Variants in ZSCAN20 observed in about 807,000 individuals in gnomAD.
ZSCAN20 encodes zinc finger and SCAN domain containing 20, also known as zinc finger and SCAN domain-containing protein 20.
ZSCAN20 carries 39 observed loss-of-function variants against 97.1 expected under a neutral mutation model. That is an observed-to-expected ratio of 0.40 (90% CI 0.31 to 0.52). The LOEUF is 0.52. Ranked by LOEUF, ZSCAN20 falls within the 20% of genes least tolerant of loss-of-function variation. The pLI is 0.49. For missense variants in ZSCAN20, 1,115 were observed against 1,290.4 expected (o/e 0.86, Z 2.08); for synonymous variants, 456 against 467.3 (o/e 0.98, Z 0.31).
At chr1:33,489,875 C>T (rs1318899118) in intron 5 of ZSCAN20, among the ~76,000 whole-genome samples, 1 of 152,124 alleles carries the variant, frequency 6.6e-6, no homozygotes, top group Non-Finnish European at 1.5e-5. Context: ...GGGGCCAGGC[C>T]TGGACTGCCA....
Position 33,498,460 on chromosome 1 carries a change from A to C in ZSCAN20, c.*2984A>C, listed in dbSNP as rs1652949938. Among the ~76,000 whole-genome samples the C allele has an allele frequency of 6.6e-6, 1 of 151,914 alleles. No homozygotes were observed. Among genetic ancestry groups the C allele is most frequent in the Non-Finnish European group, 1.5e-5 (1 of 67,976 alleles). ...CTACCTGACTTCCTTTGGAAGAAGC[A>C]CTCTTTCAGGGGGCTTCAGTGTTCC... On this transcript the variant is annotated 3_prime_UTR_variant, in exon 8 of 8. Coordinates refer to ENST00000684572, the MANE Select transcript of ZSCAN20 (RefSeq NM_001377376.1).
At chr1:33,484,660 C>T (rs576876851) in intron 2 of ZSCAN20, among the ~76,000 whole-genome samples, 132 of 142,620 alleles carry the variant, frequency 9.3e-4, no homozygotes, top group African/African-American at 2.9e-3. Context: ...TTGGTTCTGT[C>T]GCCCAGGCTG....
At position 33,493,276 on chromosome 1, in the gene ZSCAN20, C is replaced by G; in HGVS notation, c.1534C>G (p.Gln512Glu). ...PFSEKLRTCH[Q>E]NSQVYRAIAE... The stretch of plus-strand genomic sequence containing the variant: ...CTCGGAAAAGCTTCGTACCTGTCAC[C>G]AGAACAGCCAGGTGTACCGGGCCAT... Residue 512 changes from glutamine (Q) to glutamate (E), a missense_variant, in exon 7 of 8, where the codon CAG becomes GAG. Around this residue, in one of 3 missense-constraint regions of ZSCAN20, gnomAD observed 53 missense variants for 94.3 expected, o/e 0.56. Coordinates refer to ENST00000684572, the MANE Select transcript of ZSCAN20 (RefSeq NM_001377376.1). This position sits in a 1 kb window ranked among gnomAD's most constrained non-coding sequence, Gnocchi z 4.3. 6.2e-7 allele frequency: 1 copy of G among 1,614,200 alleles called. No homozygotes were observed. Among genetic ancestry groups the G allele is most frequent in the Non-Finnish European group, 8.5e-7 (1 of 1,180,024 alleles).
At chr1:33,475,825 ATTTT>A (rs10542814) in intron 1 of ZSCAN20, among the ~76,000 whole-genome samples, 6 of 141,622 alleles carry the variant, frequency 4.2e-5, no homozygotes, top group Non-Finnish European at 7.7e-5. Context: ...ACGCTTGGCT[ATTTT>A]TTTTTTTTTT....
At position 33,494,793 on chromosome 1, in the gene ZSCAN20, T is replaced by G; in HGVS notation, c.2449T>G (p.Leu817Val). The G allele has an allele frequency of 1.2e-6, 2 of 1,613,996 alleles. No homozygotes were observed. Among genetic ancestry groups the G allele is most frequent in the Non-Finnish European group, 1.7e-6 (2 of 1,179,988 alleles). ...CCTTCTGAAACATCAGAGAATCCAC[T>G]TGGGAGGAAATCCTGACCAGTGTAG... is the stretch of plus-strand genomic sequence containing the variant. ...SNLLKHQRIH[L>V]GGNPDQCSEP... Residue 817 changes from leucine to valine, a missense_variant, in exon 8 of 8, where the codon TTG becomes GTG. Coordinates refer to ENST00000684572, the MANE Select transcript of ZSCAN20 (RefSeq NM_001377376.1).
chr1:33,499,876 G>A lies in ZSCAN20; in HGVS notation c.*4400G>A, dbSNP rs1313269052. 6.6e-6 allele frequency among the ~76,000 whole-genome samples: 1 copy of A among 151,986 alleles called. No homozygotes were observed. The highest frequency in any genetic ancestry group is 1.5e-5 in the Non-Finnish European group (1 of 68,004). On this transcript the variant is annotated 3_prime_UTR_variant, in exon 8 of 8. Coordinates refer to ENST00000684572, the MANE Select transcript of ZSCAN20 (RefSeq NM_001377376.1). ...CCTCCCAAAGCTCCCCTTAACCTCA[G>A]TTTTGATCCCATCCTCCATTTGGGC... is the stretch of plus-strand genomic sequence containing the variant.
chr1:33,481,116 AC>A (rs1338378478), intron 2 of ZSCAN20, among the ~76,000 whole-genome samples: 1 of 152,208 alleles, frequency 6.6e-6, no homozygotes, highest in Non-Finnish European at 1.5e-5. Context: ...GATTGAAGAT[AC>A]AGGGAGACTA....
Position 33,479,420 on chromosome 1 carries a change from C to T in ZSCAN20, c.132C>T (p.Val44=). 6.2e-7 allele frequency: 1 copy of T among 1,614,260 alleles called. No homozygotes were observed. The highest frequency in any genetic ancestry group is 2.2e-5 in the East Asian group (1 of 44,884). ...TCTGGGAGAAGGACCGTGGCTCTGTCTCTGGCCCAGAGGCCTCCCGCCAGC... is the reference window on the plus strand; with the variant it reads ...TCTGGGAGAAGGACCGTGGCTCTGTTTCTGGCCCAGAGGCCTCCCGCCAGC... The part of the protein sequence containing the change: ...SKLWEKDRGS[V]SGPEASRQRF... Residue 44 remains valine (V), a synonymous_variant, in exon 2 of 8, where the codon GTC becomes GTT. Coordinates refer to ENST00000684572, the MANE Select transcript of ZSCAN20 (RefSeq NM_001377376.1).
chr1:33,489,177 A>G lies in ZSCAN20; in HGVS notation c.667A>G (p.Thr223Ala). 6.2e-7 allele frequency: 1 copy of G among 1,613,738 alleles called. No individual in the cohort carries two copies. Among genetic ancestry groups the G allele is most frequent in the Non-Finnish European group, 8.5e-7 (1 of 1,179,814 alleles). Residue 223 changes from threonine (T) to alanine (A), a missense_variant, in exon 4 of 8, where the codon ACA becomes GCA. Thr to Ala is a moderately conservative substitution (Grantham distance 58). Coordinates refer to ENST00000684572, the MANE Select transcript of ZSCAN20 (RefSeq NM_001377376.1). The part of the protein sequence containing the change: ...KMGSVGDWEV[T>A]AESQEALGPG... ...GGGGAGCGTTGGAGATTGGGAGGTG[A>G]CAGCTGAGTCCCAGGTAAGCTGTTA... is the stretch of plus-strand genomic sequence containing the variant.
In ZSCAN20 at chr1:33,484,345, C is replaced by T. The variant is rs2878658; in HGVS notation, c.418-4120C>T. ...TAGGTTTTTTGTAGATGTCCTTTAT[C>T]AAGTTGAGGAAGTTCCCCTCTATTC... On this transcript the variant is annotated intron_variant, in intron 2 of 7. Transcript: ENST00000684572. Among the ~76,000 whole-genome samples, 101 of 152,280 alleles carry T rather than the reference C, an allele frequency of 6.6e-4. No individual in the cohort carries two copies. In the Middle Eastern group the frequency reaches 0.014, roughly 21 times the overall value.
chr1:33,482,020 T>C (rs1652174661), intron 2 of ZSCAN20, among the ~76,000 whole-genome samples: 1 of 152,208 alleles, frequency 6.6e-6, no homozygotes, highest in South Asian at 2.1e-4. Context: ...TTACCATTGA[T>C]GAACCTACAG....
At chr1:33,487,810 TTTTA>T (rs202007389) in intron 2 of ZSCAN20, among the ~76,000 whole-genome samples, 1 of 151,754 alleles carries the variant, frequency 6.6e-6, no homozygotes, top group East Asian at 1.9e-4. Context: ...GCCTGGTTAA[TTTTA>T]TTTATTTATT....
intron 2 of ZSCAN20, among the ~76,000 whole-genome samples, chr1:33,485,189 T>C (rs1652310566): frequency 1.3e-5 from 2 of 152,318 alleles, no homozygotes; most frequent in South Asian, 4.1e-4. Context: ...TTAATAGATA[T>C]TGGCCTCTTC....
intron 1 of ZSCAN20, among the ~76,000 whole-genome samples, chr1:33,476,058 G>A (rs1374903848): frequency 6.6e-6 from 1 of 152,164 alleles, no homozygotes; most frequent in South Asian, 2.1e-4. Context: ...CTGCCTGGAG[G>A]CTTCAGTGAG....
chr1:33,497,941 G>A lies in ZSCAN20; in HGVS notation c.*2465G>A, dbSNP rs1392032185. On this transcript the variant is annotated 3_prime_UTR_variant, in exon 8 of 8. Coordinates refer to ENST00000684572, the MANE Select transcript of ZSCAN20 (RefSeq NM_001377376.1). ...TGGTGATGCTATGCATTTGGATGTC[G>A]GCTAGCAGCTAGGGGAGAGGCTAGG... Among the ~76,000 whole-genome samples, 10 of 152,124 alleles carry A rather than the reference G, an allele frequency of 6.6e-5. No homozygotes were observed. The highest frequency in any genetic ancestry group is 1.5e-5 in the Non-Finnish European group (1 of 68,024).
intron 2 of ZSCAN20, among the ~76,000 whole-genome samples, chr1:33,482,509 G>T (rs559721352): frequency 1.3e-5 from 2 of 152,312 alleles, no homozygotes; most frequent in South Asian, 4.1e-4. Context: ...AGTTTTGGCA[G>T]TTATGTATGA....
chr1:33,500,816 A>C lies in ZSCAN20; in HGVS notation c.*5340A>C, dbSNP rs1049462266. ...AGCATGACAGATGTATCTGAGCCCAAGCAGGAGAGGAGCCACAGGCCCAGG... is the reference window on the plus strand; with the variant it reads ...AGCATGACAGATGTATCTGAGCCCACGCAGGAGAGGAGCCACAGGCCCAGG... On this transcript the variant is annotated 3_prime_UTR_variant, in exon 8 of 8. Coordinates refer to ENST00000684572, the MANE Select transcript of ZSCAN20 (RefSeq NM_001377376.1). Among the ~76,000 whole-genome samples the C allele has an allele frequency of 2.0e-5, 3 of 151,936 alleles. No homozygotes were observed. Among genetic ancestry groups the C allele is most frequent in the Non-Finnish European group, 2.9e-5 (2 of 68,002 alleles).
Position 33,493,060 on chromosome 1 carries a change from C to T in ZSCAN20, c.1445-127C>T. On this transcript the variant is annotated intron_variant, in intron 6 of 7. Transcript: ENST00000684572. This position sits in a 1 kb window ranked among gnomAD's most constrained non-coding sequence, Gnocchi z 4.3. ...CCCCTGAGAAGCAAAGGGATATTCT[C>T]CAGGTACCTGGATAGTTTCTGACAT... The T allele has an allele frequency of 2.0e-6, 2 of 979,554 alleles. No homozygotes were observed. The highest frequency in any genetic ancestry group is 3.0e-6 in the Non-Finnish European group (2 of 671,306). 60.7% of individuals were successfully genotyped at this position (979,554 alleles called of 1,614,324 possible). A position where few individuals can be genotyped will look rare whatever the true frequency, so the allele number is the denominator to read the frequency against.
Position 33,495,216 on chromosome 1 carries a change from C to T in ZSCAN20, c.2872C>T (p.Pro958Ser), listed in dbSNP as rs1652812678. ...THQRVHTGEK[P>S]YKCLECGKFF... ...CCAGAGAGTGCACACAGGAGAGAAG[C>T]CCTACAAATGCCTTGAGTGTGGAAA... The change falls in exon 8 of 8, where the codon CCC becomes TCC. Residue 958 changes from proline to serine, a missense_variant. Transcript: ENST00000684572. 6.2e-7 allele frequency: 1 copy of T among 1,613,810 alleles called. No individual in the cohort carries two copies. Among genetic ancestry groups the T allele is most frequent in the African/African-American group, 1.3e-5 (1 of 74,894 alleles).
Sources: gnomAD v4.1 joint callset for allele counts (sites outside exome capture counted in the v4.1 genomes callset) on GRCh38, gnomAD v4.1.1 for gene constraint, gnomAD v4.1.1 regional missense constraint, Gnocchi (gnomAD v3.1) non-coding constraint, MANE v1.5 for transcripts, NCBI Gene and HGNC (gene_info 2026-07-23, HGNC 2026-07-21) for gene names.